TMEM266: variants seen among roughly 807,000 people sequenced by gnomAD.
TMEM266 encodes the protein transmembrane protein 266, also known as Hv1 related protein 1.
TMEM266 carries 33 observed loss-of-function variants against 50.5 expected under a neutral mutation model. The ratio of observed to expected loss-of-function variants is 0.65; its 90% confidence interval spans 0.50 to 0.87. The LOEUF (loss-of-function observed/expected upper bound fraction) is 0.87. Among genes scored for constraint, TMEM266 ranks in the 40% least tolerant of loss-of-function variants. TMEM266 has a pLI of 0.00. For missense variants in TMEM266, 655 were observed against 695.1 expected (o/e 0.94, Z 0.65); for synonymous variants, 310 against 292.3 (o/e 1.06, Z -0.62).
intron 1 of TMEM266, among the ~76,000 whole-genome samples, chr15:76,132,208 C>T (rs1232658028): frequency 6.6e-6 from 1 of 151,602 alleles, no homozygotes; most frequent in East Asian, 2.0e-4. Context: ...TCTTGGGTTC[C>T]AGCAATTCTC....
At chr15:76,114,626 A>G (rs1473430865) in intron 1 of TMEM266, among the ~76,000 whole-genome samples, 1 of 152,184 alleles carries the variant, frequency 6.6e-6, no homozygotes, top group Non-Finnish European at 1.5e-5. Flanking sequence ...TTTTCAAATT[A>G]CTGTATAGTG....
In TMEM266 at chr15:76,175,614, G is replaced by A. The variant is rs778726773; in HGVS notation, c.708G>A (p.Lys236=). Residue 236 remains lysine, a synonymous_variant, in exon 8 of 11, where the codon AAG becomes AAA. Transcript: ENST00000388942. ...AGATGGTTATCCAGCAGTACGAGAAGGCCAAGGTCATCCAAGACGAGCAGC... is the reference window on the plus strand; with the variant it reads ...AGATGGTTATCCAGCAGTACGAGAAAGCCAAGGTCATCCAAGACGAGCAGC... 4 of 1,614,216 alleles carry A rather than the reference G, an allele frequency of 2.5e-6. No homozygotes were observed. The East Asian group carries it at 6.7e-5, about 27-fold the overall frequency.
chr15:76,119,403 AAAAAAAAAAGAAAAG>A (rs1300451013), intron 1 of TMEM266, among the ~76,000 whole-genome samples: 1 of 150,936 alleles, frequency 6.6e-6, no homozygotes, highest in Non-Finnish European at 1.5e-5. Context: ...AAAAAAAAAA[AAAAAAAAAAGAAAAG>A]AAAAGAAAAT....
At chr15:76,195,776 T>C (rs1430944941) in intron 9 of TMEM266, among the ~76,000 whole-genome samples, 1 of 152,234 alleles carries the variant, frequency 6.6e-6, no homozygotes, top group Non-Finnish European at 1.5e-5. Context: ...GCACAGCCCT[T>C]GTTGTCCCTC....
rs143214734 is a variant in TMEM266, at chr15:76,161,028, C to T, written c.456+860C>T. Among the ~76,000 whole-genome samples the T allele has an allele frequency of 0.014, 2,106 of 152,216 alleles. 20 individuals carry two copies. Among genetic ancestry groups the T allele is most frequent in the Non-Finnish European group, 0.022 (1,523 of 68,006 alleles). On this transcript the variant is annotated intron_variant, in intron 5 of 10. Transcript: ENST00000388942. The surrounding 1 kb of genome is among the most constrained non-coding windows in gnomAD (Gnocchi z 4.1). ...CTGCAGGCAGGGTTTTATCCTGTCCCGTGCGCACTGGAGGGTCACTGAAGG... is the reference window on the plus strand; with the variant it reads ...CTGCAGGCAGGGTTTTATCCTGTCCTGTGCGCACTGGAGGGTCACTGAAGG...
chr15:76,093,207 A>C (rs564531396), intron 1 of TMEM266, among the ~76,000 whole-genome samples: 10 of 151,650 alleles, frequency 6.6e-5, no homozygotes, highest in Non-Finnish European at 1.2e-4. Context: ...TTACATAGGT[A>C]TACACGTGCC....
chr15:76,184,947 C>T (rs16967957), intron 8 of TMEM266, among the ~76,000 whole-genome samples: 21 of 152,192 alleles, frequency 1.4e-4, no homozygotes, highest in African/African-American at 4.6e-4. Flanking sequence ...TTTTTCCCAC[C>T]GGGCCCATTT....
chr15:76,200,501 GCCT>G (rs1203261261), intron 9 of TMEM266, among the ~76,000 whole-genome samples: 3 of 152,200 alleles, frequency 2.0e-5, no homozygotes, highest in Non-Finnish European at 2.9e-5. Flanking sequence ...ATTTACCCTG[GCCT>G]CCTCCTGCAA....
chr15:76,065,421 A>G (rs1373274746), intron 1 of TMEM266, among the ~76,000 whole-genome samples: 3 of 152,010 alleles, frequency 2.0e-5, no homozygotes, highest in Non-Finnish European at 4.4e-5. Context: ...ATCTGACCCC[A>G]TTGACTTCCT....
intron 5 of TMEM266, among the ~76,000 whole-genome samples, chr15:76,162,308 G>T (rs926279595): frequency 1.3e-5 from 2 of 152,224 alleles, no homozygotes; most frequent in Admixed American, 6.5e-5. Context: ...GAATGAATGA[G>T]GCACAGAACC....
chr15:76,203,805 C>T lies in TMEM266; in HGVS notation c.1086C>T (p.Pro362=). ...CGGCCGCAATAGACATTCACCAGCC[C>T]AACATCTCCTCGGACCTCTTCTCTC... Residue 362 remains proline (P), a synonymous_variant, in exon 11 of 11, where the codon CCC becomes CCT. Coordinates refer to ENST00000388942, the MANE Select transcript of TMEM266 (RefSeq NM_152335.3). 1 of 1,614,226 alleles carries T rather than the reference C, an allele frequency of 6.2e-7. No homozygotes were observed. Among genetic ancestry groups the T allele is most frequent in the East Asian group, 2.2e-5 (1 of 44,886 alleles).
intron 9 of TMEM266, among the ~76,000 whole-genome samples, chr15:76,201,384 A>C (rs2038745494): frequency 6.6e-6 from 1 of 152,026 alleles, no homozygotes; most frequent in African/African-American, 2.4e-5. Flanking sequence ...TCAGGAGGTG[A>C]ACCAAGATTC....
intron 1 of TMEM266, among the ~76,000 whole-genome samples, chr15:76,097,666 TCCCCAAC>T (rs2036941682): frequency 6.6e-6 from 1 of 151,962 alleles, no homozygotes; most frequent in African/African-American, 2.4e-5. Context: ...GGGGAAGTTC[TCCCCAAC>T]CTAGATAATA....
At chr15:76,197,663 G>A (rs1385447957) in intron 9 of TMEM266, among the ~76,000 whole-genome samples, 1 of 152,236 alleles carries the variant, frequency 6.6e-6, no homozygotes, top group Non-Finnish European at 1.5e-5. Flanking sequence ...GGGCTGCCAA[G>A]CCATGGAAGA....
chr15:76,088,778 C>G (rs2036808713), intron 1 of TMEM266, among the ~76,000 whole-genome samples: 1 of 150,050 alleles, frequency 6.7e-6, no homozygotes, highest in African/African-American at 2.5e-5. Context: ...GCCTGGGCTA[C>G]AGAGTGAGAC....
chr15:76,135,745 G>A (rs2037578285), intron 2 of TMEM266, among the ~76,000 whole-genome samples: 1 of 152,138 alleles, frequency 6.6e-6, no homozygotes, highest in African/African-American at 2.4e-5. Context: ...TTGACAGGTA[G>A]CAAAAAGCAA....
At chr15:76,183,103 C>CTTTTTT (rs71140199) in intron 8 of TMEM266, among the ~76,000 whole-genome samples, 838 of 44,176 alleles carry the variant, frequency 0.019, 169 homozygotes, top group East Asian at 0.04. Flanking sequence ...CATTTTGTGG[C>CTTTTTT]TTTTTTTTTT....
chr15:76,081,543 A>G (rs2141991553), intron 1 of TMEM266, among the ~76,000 whole-genome samples: 1 of 152,360 alleles, frequency 6.6e-6, no homozygotes, highest in South Asian at 2.1e-4. Flanking sequence ...CCAAATGAAT[A>G]GGCTTCCAAG....
At chr15:76,117,234 T>C (rs1026234853) in intron 1 of TMEM266, among the ~76,000 whole-genome samples, 6 of 145,800 alleles carry the variant, frequency 4.1e-5, no homozygotes, top group African/African-American at 1.5e-4. Flanking sequence ...TGCATAAATT[T>C]GACAGTGTGT....
Sources: allele counts gnomAD v4.1 joint callset (sites outside exome capture counted in the v4.1 genomes callset), GRCh38; gene constraint gnomAD v4.1.1; non-coding constraint Gnocchi (gnomAD v3.1); transcripts MANE v1.5; gene names NCBI Gene and HGNC (gene_info 2026-07-23, HGNC 2026-07-21).